The following TYW1 variants were observed in gnomAD, a reference collection of about 807,000 sequenced individuals.
The protein encoded by TYW1 is S-adenosyl-L-methionine-dependent tRNA 4-demethylwyosine synthase TYW1.
Under a neutral mutation model 96.2 loss-of-function variants are expected in TYW1, and 46 were observed. The ratio of observed to expected loss-of-function variants is 0.48; its 90% CI spans 0.38 to 0.61. TYW1 has a LOEUF of 0.61. TYW1 is among the 20% of genes least tolerant of loss of function. TYW1 has a pLI of 0.00. For missense variants in TYW1, 684 were observed against 909.6 expected, an observed-to-expected ratio of 0.75 and a Z score of 3.19; for synonymous variants, 274 against 323.0, an observed-to-expected ratio of 0.85 and a Z score of 1.63.
intron 13 of TYW1, among the ~76,000 whole-genome samples, chr7:67,119,752 T>C (rs1185287589): frequency 6.6e-6 from 1 of 152,124 alleles, no homozygotes; most frequent in Non-Finnish European, 1.5e-5. Flanking sequence ...TTCTGCACAA[T>C]GTCTAGCATA....
chr7:67,099,371 G>A (rs1797018369), intron 12 of TYW1, among the ~76,000 whole-genome samples: 1 of 152,104 alleles, frequency 6.6e-6, no homozygotes, highest in Non-Finnish European at 1.5e-5. Context: ...ACTTGAGAAG[G>A]TTGGAAACTA....
intron 15 of TYW1, among the ~76,000 whole-genome samples, chr7:67,205,397 C>G (rs1330633912): frequency 6.0e-5 from 9 of 149,626 alleles, no homozygotes; most frequent in South Asian, 2.1e-4. Flanking sequence ...GGGGGGGGGG[C>G]CTTATTGCTG....
chr7:67,070,130 A>G (rs892691105), intron 10 of TYW1, among the ~76,000 whole-genome samples: 2 of 152,146 alleles, frequency 1.3e-5, no homozygotes, highest in African/African-American at 4.8e-5. Flanking sequence ...ATATGTGATG[A>G]GTGCCTTCTC....
rs1795999110 is a variant in TYW1 at position 67,070,521 on chromosome 7, A to G, written c.1274+3118A>G. Among the ~76,000 whole-genome samples, 5 of 152,160 alleles carry G rather than the reference A, an allele frequency of 3.3e-5. No homozygotes were observed. The South Asian group carries it at 1.0e-3, about 32-fold the overall frequency. On this transcript the variant is annotated intron_variant, in intron 10 of 15. Transcript: ENST00000359626. Reference sequence around the variant, plus strand: ...CTGAGGTTTTTCTTTGGCCTGTTCAAATCTTCTGTTGAAACCCTCTAGTGA... The same window carrying G: ...CTGAGGTTTTTCTTTGGCCTGTTCAGATCTTCTGTTGAAACCCTCTAGTGA...
intron 13 of TYW1, among the ~76,000 whole-genome samples, chr7:67,172,477 G>A (rs1394136646): frequency 6.6e-6 from 1 of 151,028 alleles, no homozygotes; most frequent in Non-Finnish European, 1.5e-5. Flanking sequence ...CTGGAGTGCA[G>A]CAGCCCAGTC....
At chr7:67,007,361 C>T (rs1233505875) in intron 3 of TYW1, among the ~76,000 whole-genome samples, 3 of 152,084 alleles carry the variant, frequency 2.0e-5, no homozygotes, top group South Asian at 2.1e-4. Flanking sequence ...GTGTACCTTC[C>T]CATCAATAAA....
intron 14 of TYW1, among the ~76,000 whole-genome samples, chr7:67,194,678 A>G (rs1800332484): frequency 6.6e-6 from 1 of 150,964 alleles, no homozygotes; most frequent in Non-Finnish European, 1.5e-5. Flanking sequence ...CTTTAAGGAA[A>G]AAGTTTGCCA....
chr7:67,189,524 A>AGT (rs1800143003), intron 14 of TYW1, among the ~76,000 whole-genome samples: 1 of 136,972 alleles, frequency 7.3e-6, no homozygotes, highest in Admixed American at 7.1e-5. Context: ...TGCACTTACT[A>AGT]GAGTCTCATG....
At chr7:67,017,766 C>A (rs760927691) in intron 5 of TYW1, 87 bp from the exon 6 acceptor site, 1 of 1,518,872 alleles carries the variant, frequency 6.6e-7, no homozygotes, top group African/African-American at 1.4e-5. Context: ...CCAGGGGCCT[C>A]GGAAGGACTT....
intron 15 of TYW1, among the ~76,000 whole-genome samples, chr7:67,205,475 G>C (rs1800760669): frequency 6.6e-6 from 1 of 151,608 alleles, no homozygotes; most frequent in Non-Finnish European, 1.5e-5. Context: ...GTATGGGGGA[G>C]AGGTGCCTTG....
intron 7 of TYW1, among the ~76,000 whole-genome samples, chr7:67,038,723 G>A (rs1439316349): frequency 6.6e-6 from 1 of 152,048 alleles, no homozygotes; most frequent in African/African-American, 2.4e-5. Flanking sequence ...GGCCAACATG[G>A]CGAAACCCCG....
At chr7:67,059,315 G>C (rs1795624405) in intron 9 of TYW1, among the ~76,000 whole-genome samples, 1 of 151,600 alleles carries the variant, frequency 6.6e-6, no homozygotes, top group Non-Finnish European at 1.5e-5. Context: ...TTGTTAGCCA[G>C]GATGGTCTCG....
In TYW1 at chr7:67,098,625, T is replaced by C. The variant is rs1434227327; in HGVS notation, c.1469T>C (p.Met490Thr). 2.5e-6 allele frequency: 4 copies of C among 1,613,820 alleles called. No individual in the cohort carries two copies. Among genetic ancestry groups the C allele is most frequent in the Non-Finnish European group, 3.4e-6 (4 of 1,179,966 alleles). The change falls in exon 12 of 16, where the codon ATG becomes ACG. Residue 490 changes from methionine (M) to threonine (T), a missense_variant. By Grantham distance (81) the Met-to-Thr change is moderately conservative. Transcript: ENST00000359626. ...CALSLVGEPI[M>T]YPEINRFLKL... The stretch of plus-strand genomic sequence containing the variant: ...TTGTCCCTCGTGGGAGAACCAATAA[T>C]GTACCCAGAGATCAACAGGTTTTTG...
Position 67,180,138 on chromosome 7 carries a change from C to T in TYW1, c.1699-2988C>T, listed in dbSNP as rs1397258694. On this transcript the variant is annotated intron_variant, in intron 13 of 15. Coordinates refer to ENST00000359626, the MANE Select transcript of TYW1 (RefSeq NM_018264.4). ...CAGTGCACCCAGCTGAAACACTAGG[C>T]ATTTCATAATTATAAGTAGAATATG... Among the ~76,000 whole-genome samples, 2 of 131,680 alleles carry T rather than the reference C, an allele frequency of 1.5e-5. 1 individual carries two copies. The highest frequency in any genetic ancestry group is 3.2e-5 in the Non-Finnish European group (2 of 62,352). The allele number at this position is 131,680 out of a possible 152,430, so 86.4% of individuals were successfully genotyped here. A position where few individuals can be genotyped will look rare whatever the true frequency, so the allele number is the denominator to read the frequency against.
At chr7:67,164,453 C>CAA (rs67371707) in intron 13 of TYW1, among the ~76,000 whole-genome samples, 3 of 151,040 alleles carry the variant, frequency 2.0e-5, no homozygotes, top group Admixed American at 6.6e-5. Flanking sequence ...CTAAAAAATA[C>CAA]AAAAAAAATT....
chr7:67,044,534 G>A (rs554829906), intron 7 of TYW1, among the ~76,000 whole-genome samples: 1 of 152,134 alleles, frequency 6.6e-6, no homozygotes, highest in African/African-American at 2.4e-5. Context: ...TTTACTGAAG[G>A]CCCATCCTGT....
chr7:67,038,437 T>C (rs1292751672), intron 7 of TYW1, among the ~76,000 whole-genome samples: 2 of 151,694 alleles, frequency 1.3e-5, no homozygotes, highest in Non-Finnish European at 2.9e-5. Context: ...GAGACCCTTG[T>C]CTCTACAAAA....
At chr7:67,108,151 A>G (rs1490029685) in intron 12 of TYW1, among the ~76,000 whole-genome samples, 1 of 152,158 alleles carries the variant, frequency 6.6e-6, no homozygotes, top group Non-Finnish European at 1.5e-5. Context: ...TGCTGGGATT[A>G]CAAGAATGAG....
chr7:67,221,328 C>G (rs1190312938), intron 15 of TYW1, among the ~76,000 whole-genome samples: 2 of 152,178 alleles, frequency 1.3e-5, no homozygotes, highest in Non-Finnish European at 2.9e-5. Flanking sequence ...TTGGGTTACT[C>G]TTTGCATGGA....
Sources: gnomAD v4.1 joint callset for allele counts (sites outside exome capture counted in the v4.1 genomes callset) on GRCh38, gnomAD v4.1.1 for gene constraint, MANE v1.5 for transcripts, NCBI Gene and HGNC (gene_info 2026-07-23, HGNC 2026-07-21) for gene names.